RIMBP2: variants seen among roughly 807,000 people sequenced by gnomAD.
The protein encoded by RIMBP2 is RIMS binding protein 2.
RIMBP2 carries 48 observed loss-of-function variants against 118.6 expected under a neutral mutation model. The ratio of observed to expected loss-of-function variants is 0.40; its 90% CI spans 0.32 to 0.51. The LOEUF (loss-of-function observed/expected upper bound fraction) is 0.51. Among genes scored for constraint, RIMBP2 ranks in the 20% least tolerant of loss-of-function variants. The pLI, the probability that RIMBP2 is intolerant of heterozygous loss-of-function variation, is 0.41. For synonymous variants in RIMBP2, 762 were observed against 742.9 expected (o/e 1.03, Z -0.42); for missense variants, 1,551 against 1,768.3 (o/e 0.88, Z 2.20).
intron 20 of RIMBP2, among the ~76,000 whole-genome samples, chr12:130,406,528 C>G (rs199551754): frequency 6.6e-6 from 1 of 152,192 alleles, no homozygotes; most frequent in East Asian, 1.9e-4. Flanking sequence ...ATTTTTAAAG[C>G]TAGTGAAATG....
chr12:130,404,755 C>G (rs2075004893), intron 21 of RIMBP2, among the ~76,000 whole-genome samples: 1 of 152,020 alleles, frequency 6.6e-6, no homozygotes, highest in African/African-American at 2.4e-5. Context: ...AAATGTACAT[C>G]TAAACAAAAA....
At chr12:130,615,183 ATT>A (rs2060826603) in intron 2 of RIMBP2, among the ~76,000 whole-genome samples, 1 of 146,366 alleles carries the variant, frequency 6.8e-6, no homozygotes, top group African/African-American at 2.5e-5. Flanking sequence ...TAATATATAT[ATT>A]ACAATATTAC....
intron 2 of RIMBP2, among the ~76,000 whole-genome samples, chr12:130,604,310 C>T (rs1469407392): frequency 2.7e-5 from 4 of 147,336 alleles, no homozygotes; most frequent in East Asian, 4.0e-4. Context: ...AAAAAAAAAC[C>T]TCACAGTAAG....
rs74242879 is a variant in RIMBP2, at chr12:130,642,253, G to A, written c.-351-13797C>T. 4.2e-4 allele frequency among the ~76,000 whole-genome samples: 63 copies of A among 151,360 alleles called. No homozygotes were observed. The East Asian group carries it at 7.5e-3, about 18-fold the overall frequency. On this transcript the variant is annotated intron_variant, in intron 1 of 22. Coordinates refer to ENST00000690449, the MANE Select transcript of RIMBP2 (RefSeq NM_001393629.1). ...CACTCCAGGGAGAGGCCCTGGCTCC[G>A]GCTGGGACTCTGGGTTTAGTTTAGT...
Position 130,511,432 on chromosome 12 carries a change from C to T in RIMBP2, c.-126-4662G>A, listed in dbSNP as rs149997784. On this transcript the variant is annotated intron_variant, in intron 3 of 22. Coordinates refer to ENST00000690449, the MANE Select transcript of RIMBP2 (RefSeq NM_001393629.1). The surrounding 1 kb of genome is among the most constrained non-coding windows in gnomAD (Gnocchi z 4.3). Reference sequence around the variant, plus strand: ...ACCGCGAGCACGCGTCGAATTGTCACTCTACACCAACAACTGGCATCTGTC... The same window carrying T: ...ACCGCGAGCACGCGTCGAATTGTCATTCTACACCAACAACTGGCATCTGTC... Among the ~76,000 whole-genome samples the T allele has an allele frequency of 2.6e-5, 4 of 152,292 alleles. No homozygotes were observed. Among genetic ancestry groups the T allele is most frequent in the Admixed American group, 6.5e-5 (1 of 15,306 alleles).
rs973233153 is a variant in RIMBP2, at chr12:130,396,892, C to T, written c.*469G>A. On this transcript the variant is annotated 3_prime_UTR_variant, in exon 23 of 23. Transcript: ENST00000690449. ...TATACACTGTTTTTATTAGACAGTACAAATCATTGTGCATTTATAAGGCAG... is the reference window on the plus strand; with the variant it reads ...TATACACTGTTTTTATTAGACAGTATAAATCATTGTGCATTTATAAGGCAG... 4 of 152,498 alleles carry T rather than the reference C, an allele frequency of 2.6e-5. No individual in the cohort carries two copies. The highest frequency in any genetic ancestry group is 9.7e-5 in the African/African-American group (4 of 41,422). 9.4% of individuals were successfully genotyped at this position (152,498 alleles called of 1,614,324 possible).
chr12:130,605,748 G>A (rs917352654), intron 2 of RIMBP2, among the ~76,000 whole-genome samples: 4 of 152,138 alleles, frequency 2.6e-5, no homozygotes, highest in African/African-American at 9.7e-5. Context: ...TTCAAGGTAT[G>A]CTTTCAATTT....
intron 1 of RIMBP2, among the ~76,000 whole-genome samples, chr12:130,702,605 A>T (rs1296592604): frequency 4.6e-5 from 7 of 152,056 alleles, no homozygotes; most frequent in Non-Finnish European, 8.8e-5. Context: ...GGAGGAAGGA[A>T]GGAAGGAACC....
intron 1 of RIMBP2, among the ~76,000 whole-genome samples, chr12:130,685,478 C>G (rs926881580): frequency 1.3e-5 from 2 of 152,170 alleles, no homozygotes; most frequent in African/African-American, 4.8e-5. Context: ...GGGCAGGCGC[C>G]GTTGCCCTAT....
chr12:130,643,552 G>A (rs910422471), intron 1 of RIMBP2, among the ~76,000 whole-genome samples: 1 of 149,144 alleles, frequency 6.7e-6, no homozygotes, highest in African/African-American at 2.6e-5. Flanking sequence ...GAACTGGGGA[G>A]AAGAAAGAAA....
intron 2 of RIMBP2, among the ~76,000 whole-genome samples, chr12:130,552,074 G>A (rs564417916): frequency 9.8e-5 from 15 of 152,316 alleles, no homozygotes; most frequent in Admixed American, 9.1e-4. Flanking sequence ...GCTCATAACT[G>A]CTTTAACATC....
chr12:130,483,853 C>T (rs946695864), intron 4 of RIMBP2, among the ~76,000 whole-genome samples: 13 of 148,984 alleles, frequency 8.7e-5, no homozygotes, highest in South Asian at 4.3e-4. Flanking sequence ...ACACGGTGCC[C>T]GGAGCCCCCA....
intron 2 of RIMBP2, among the ~76,000 whole-genome samples, chr12:130,598,892 T>C (rs925078818): frequency 1.8e-4 from 28 of 152,164 alleles, no homozygotes; most frequent in African/African-American, 6.5e-4. Context: ...TCTTTTGGAA[T>C]TTTTGATGGG....
At chr12:130,486,733 T>TA (rs2082520882) in intron 4 of RIMBP2, among the ~76,000 whole-genome samples, 1 of 151,164 alleles carries the variant, frequency 6.6e-6, no homozygotes. Flanking sequence ...CCTCCCAATT[T>TA]AAAAAAATGT....
In RIMBP2 at chr12:130,525,872, C is replaced by T. The variant is rs2052725737; in HGVS notation, c.-216-7955G>A. Among the ~76,000 whole-genome samples the T allele has an allele frequency of 1.3e-5, 2 of 152,064 alleles. No homozygotes were observed. The highest frequency in any genetic ancestry group is 4.8e-5 in the African/African-American group (2 of 41,408). ...CAGACATTCTTGCTATCCTGCTTGT[C>T]AAGGGAAGAAATTCAAGCTCAAGGA... On this transcript the variant is annotated intron_variant, in intron 2 of 22. Coordinates refer to ENST00000690449, the MANE Select transcript of RIMBP2 (RefSeq NM_001393629.1). This position sits in a 1 kb window ranked among gnomAD's most constrained non-coding sequence, Gnocchi z 4.4.
chr12:130,645,414 G>T (rs995422898), intron 1 of RIMBP2, among the ~76,000 whole-genome samples: 13 of 152,314 alleles, frequency 8.5e-5, no homozygotes, highest in African/African-American at 3.1e-4. Flanking sequence ...ACAGACATTG[G>T]AGTTACTCCC....
chr12:130,507,264 AAC>A (rs1442873621), intron 3 of RIMBP2, among the ~76,000 whole-genome samples: 5 of 152,208 alleles, frequency 3.3e-5, no homozygotes, highest in African/African-American at 1.2e-4. Context: ...CAATGAGATA[AAC>A]ACAGAGAGAT....
chr12:130,431,570 TAAC>T lies in RIMBP2; in HGVS notation c.2253+3161_2253+3163del, dbSNP rs1311549021. The T allele has an allele frequency of 2.8e-5, 5 of 175,906 alleles. No individual in the cohort carries two copies. The highest frequency in any genetic ancestry group is 4.8e-5 in the African/African-American group (2 of 41,688). The allele number at this position is 175,906 out of a possible 1,614,324, so 10.9% of individuals were successfully genotyped here. A position where few individuals can be genotyped will look rare whatever the true frequency, so the allele number is the denominator to read the frequency against. On this transcript the variant is annotated intron_variant, in intron 14 of 22. Transcript: ENST00000690449. The surrounding 1 kb of genome is among the most constrained non-coding windows in gnomAD (Gnocchi z 4.0). ...ATTTTATGTTATATTATTATATTAT[TAAC>T]AATATATATTAACAATTAATATATT...
chr12:130,603,760 CAT>C (rs1422349509), intron 2 of RIMBP2, among the ~76,000 whole-genome samples: 8 of 152,174 alleles, frequency 5.3e-5, no homozygotes, highest in African/African-American at 1.7e-4. Flanking sequence ...GTGCATGACT[CAT>C]GTGTGTGGTG....
Sources: allele counts gnomAD v4.1 joint callset (sites outside exome capture counted in the v4.1 genomes callset), GRCh38; gene constraint gnomAD v4.1.1; non-coding constraint Gnocchi (gnomAD v3.1); transcripts MANE v1.5; gene names NCBI Gene and HGNC (gene_info 2026-07-23, HGNC 2026-07-21).